The following FRMD4A variants were observed in gnomAD, a reference collection of about 807,000 sequenced individuals.
The protein encoded by FRMD4A is FERM domain containing 4A.
Under a neutral mutation model 129.1 loss-of-function variants are expected in FRMD4A, and 29 were observed. The ratio of observed to expected loss-of-function variants is 0.22; its 90% CI spans 0.17 to 0.31. The LOEUF (loss-of-function observed/expected upper bound fraction) is 0.31, where lower values mean the gene tolerates loss of function less well. Ranked by LOEUF, FRMD4A falls within the 10% of genes least tolerant of loss-of-function variation. The pLI, the probability that FRMD4A is intolerant of heterozygous loss-of-function variation, is 1.00. For synonymous variants in FRMD4A, 634 were observed against 571.6 expected (o/e 1.11, Z -1.56); for missense variants, 1,272 against 1,375.8 (o/e 0.92, Z 1.19).
chr10:13,826,800 T>A (rs183284982), intron 3 of FRMD4A, among the ~76,000 whole-genome samples: 34 of 152,194 alleles, frequency 2.2e-4, no homozygotes, highest in Admixed American at 1.2e-3. Context: ...AGAGGGAAGA[T>A]CAACTCTGGG....
Position 13,821,842 on chromosome 10 carries a change from C to T in FRMD4A, c.112-10934G>A, listed in dbSNP as rs565932843. 6.6e-6 allele frequency among the ~76,000 whole-genome samples: 1 copy of T among 152,230 alleles called. No individual in the cohort carries two copies. The highest frequency in any genetic ancestry group is 6.5e-5 in the Admixed American group (1 of 15,298). ...AGCAGAAAGGAAAGCCTAGAGGAGG[C>T]CAGAAACCTGTCCAGGACGAGGGTG... On this transcript the variant is annotated intron_variant, in intron 3 of 24. Coordinates refer to ENST00000357447, the MANE Select transcript of FRMD4A (RefSeq NM_018027.5). This position sits in a 1 kb window ranked among gnomAD's most constrained non-coding sequence, Gnocchi z 4.3.
chr10:13,796,187 C>A (rs2093113728), intron 5 of FRMD4A, among the ~76,000 whole-genome samples: 2 of 152,166 alleles, frequency 1.3e-5, no homozygotes. Context: ...ACGGCCTGTG[C>A]TATAAGATAC....
At chr10:13,971,877 T>C (rs1409505449) in intron 2 of FRMD4A, 23 of 1,289,778 alleles carry the variant, frequency 1.8e-5, no homozygotes, top group Non-Finnish European at 2.3e-5. Flanking sequence ...TGACACAAAG[T>C]GCCAATGTCA....
chr10:14,222,306 T>A (rs758917246), intron 2 of FRMD4A, among the ~76,000 whole-genome samples: 16 of 152,242 alleles, frequency 1.1e-4, no homozygotes, highest in Non-Finnish European at 1.8e-4. Context: ...GCAAAAGGTC[T>A]CATTATTCAA....
intron 2 of FRMD4A, among the ~76,000 whole-genome samples, chr10:14,221,029 G>C (rs1334096594): frequency 1.3e-5 from 2 of 152,000 alleles, no homozygotes; most frequent in Non-Finnish European, 2.9e-5. Context: ...GAACCCTGCT[G>C]TATTGGCTGG....
intron 2 of FRMD4A, among the ~76,000 whole-genome samples, chr10:13,962,058 TG>T (rs2095449055): frequency 6.6e-6 from 1 of 152,180 alleles, no homozygotes; most frequent in African/African-American, 2.4e-5. Flanking sequence ...AATGAATGAA[TG>T]AATGAATGAA....
At chr10:13,722,035 A>G (rs1161115728) in intron 12 of FRMD4A, among the ~76,000 whole-genome samples, 2 of 152,146 alleles carry the variant, frequency 1.3e-5, no homozygotes, top group Non-Finnish European at 2.9e-5. Context: ...AGAGACACCC[A>G]TGACAAGGCT....
intron 2 of FRMD4A, among the ~76,000 whole-genome samples, chr10:13,902,001 G>A (rs1234295154): frequency 6.6e-6 from 1 of 152,090 alleles, no homozygotes; most frequent in African/African-American, 2.4e-5. Flanking sequence ...TAAGAAGATA[G>A]GCTATTTAAT....
intron 2 of FRMD4A, among the ~76,000 whole-genome samples, chr10:14,073,729 G>A (rs1438609110): frequency 2.0e-5 from 3 of 152,130 alleles, no homozygotes; most frequent in Non-Finnish European, 4.4e-5. Context: ...ATCCTGTTGT[G>A]ACCTACCCAC....
At chr10:14,163,308 G>T (rs1468431787) in intron 2 of FRMD4A, among the ~76,000 whole-genome samples, 1 of 152,136 alleles carries the variant, frequency 6.6e-6, no homozygotes, top group Non-Finnish European at 1.5e-5. Context: ...TTTGTGTAAG[G>T]CATTTTTATC....
intron 2 of FRMD4A, among the ~76,000 whole-genome samples, chr10:14,224,144 G>A (rs902978662): frequency 7.9e-5 from 12 of 152,182 alleles, no homozygotes; most frequent in Middle Eastern, 3.4e-3. Flanking sequence ...TTTCAAATCC[G>A]TGCCTCTTCT....
chr10:14,207,085 A>T (rs1267969933), intron 2 of FRMD4A, among the ~76,000 whole-genome samples: 7 of 152,044 alleles, frequency 4.6e-5, no homozygotes, highest in Non-Finnish European at 7.4e-5. Context: ...GAAGACCTGA[A>T]ATGTTCCAAA....
chr10:13,884,132 GCT>G (rs2094579766), intron 2 of FRMD4A, among the ~76,000 whole-genome samples: 2 of 102,532 alleles, frequency 2.0e-5, no homozygotes, highest in South Asian at 3.3e-4. Flanking sequence ...TCACACACAC[GCT>G]CACACACACT....
intron 15 of FRMD4A, among the ~76,000 whole-genome samples, chr10:13,678,112 T>C (rs1228696067): frequency 6.6e-6 from 1 of 152,228 alleles, no homozygotes; most frequent in Non-Finnish European, 1.5e-5. Context: ...GATTTGGCCC[T>C]GAGTTCCAGG....
At chr10:14,131,457 C>T (rs1313280415) in intron 2 of FRMD4A, among the ~76,000 whole-genome samples, 3 of 151,528 alleles carry the variant, frequency 2.0e-5, no homozygotes, top group South Asian at 2.1e-4. Context: ...TACCCAGCCT[C>T]GAAGATGAAG....
intron 2 of FRMD4A, among the ~76,000 whole-genome samples, chr10:14,162,630 G>GTTTTTTTTTTTTTTT (rs556368229): frequency 3.4e-5 from 4 of 117,312 alleles, no homozygotes; most frequent in African/African-American, 1.4e-4. Flanking sequence ...GAGTTTCTCT[G>GTTTTTTTTTTTTTTT]TTTTTTTTTT....
intron 2 of FRMD4A, among the ~76,000 whole-genome samples, chr10:13,929,553 A>G (rs1007333388): frequency 5.3e-5 from 8 of 152,232 alleles, no homozygotes; most frequent in African/African-American, 1.9e-4. Context: ...AGGAAAATCC[A>G]GAACAACTGG....
chr10:13,657,572 G>A, intron 21 of FRMD4A, 50 bp from the exon 22 acceptor site: 1 of 1,494,538 alleles, frequency 6.7e-7, no homozygotes, highest in East Asian at 2.4e-5. Flanking sequence ...TGGGCCCAAG[G>A]AGGGGTGCTC....
chr10:13,734,201 C>A (rs2090486050), intron 12 of FRMD4A, among the ~76,000 whole-genome samples: 1 of 152,188 alleles, frequency 6.6e-6, no homozygotes, highest in Non-Finnish European at 1.5e-5. Context: ...ACCTTCTCAA[C>A]ATCTTGGTTC....
Sources: allele counts gnomAD v4.1 joint callset (sites outside exome capture counted in the v4.1 genomes callset), GRCh38; gene constraint gnomAD v4.1.1; non-coding constraint Gnocchi (gnomAD v3.1); transcripts MANE v1.5; gene names NCBI Gene and HGNC (gene_info 2026-07-23, HGNC 2026-07-21).